The following CACNA2D3 variants were observed in gnomAD, a reference collection of about 807,000 sequenced individuals.
CACNA2D3 encodes voltage-dependent calcium channel subunit alpha-2/delta-3.
In CACNA2D3, 60 loss-of-function variants were observed where a neutral mutation model predicts 160.6. The ratio of observed to expected loss-of-function variants is 0.37; its 90% CI spans 0.30 to 0.46. The LOEUF (loss-of-function observed/expected upper bound fraction) is 0.46, where lower values mean the gene tolerates loss of function less well. CACNA2D3 is among the 20% of genes least tolerant of loss of function. The pLI, the probability that CACNA2D3 is intolerant of heterozygous loss-of-function variation, is 1.00. For missense variants in CACNA2D3, 1,205 were observed against 1,365.0 expected, an observed-to-expected ratio of 0.88 and a Z score of 1.85; for synonymous variants, 558 against 492.9, an observed-to-expected ratio of 1.13 and a Z score of -1.75.
chr3:54,941,984 A>C (rs902676725), intron 27 of CACNA2D3, among the ~76,000 whole-genome samples: 2 of 152,214 alleles, frequency 1.3e-5, no homozygotes, highest in Admixed American at 1.3e-4. Context: ...ATTTATTTGA[A>C]AATCATTCCA....
intron 12 of CACNA2D3, among the ~76,000 whole-genome samples, chr3:54,763,969 G>C (rs553480064): frequency 6.7e-6 from 1 of 149,122 alleles, no homozygotes; most frequent in African/African-American, 2.5e-5. Flanking sequence ...TCTGGGAGAT[G>C]AGTTTATGGT....
chr3:54,189,470 T>C (rs961793485), intron 2 of CACNA2D3, among the ~76,000 whole-genome samples: 5 of 152,116 alleles, frequency 3.3e-5, no homozygotes, highest in African/African-American at 1.2e-4. Flanking sequence ...TCCAGACAAG[T>C]TTATTCCTTG....
At chr3:54,222,505 A>G (rs966744190) in intron 2 of CACNA2D3, among the ~76,000 whole-genome samples, 8 of 152,210 alleles carry the variant, frequency 5.3e-5, no homozygotes, top group South Asian at 2.1e-4. Flanking sequence ...AGGGAGGGCA[A>G]TCTTCTTTAC....
At chr3:54,427,206 A>G (rs1374287299) in intron 4 of CACNA2D3, among the ~76,000 whole-genome samples, 4 of 152,204 alleles carry the variant, frequency 2.6e-5, no homozygotes, top group African/African-American at 9.6e-5. Context: ...AGCCCTGCAC[A>G]TGTAGGTTAT....
intron 27 of CACNA2D3, chr3:54,918,733 A>G (rs773639054): frequency 1.2e-5 from 20 of 1,614,036 alleles, no homozygotes; most frequent in Non-Finnish European, 1.7e-5. Context: ...AGGAGGCCTC[A>G]GGACCACACC....
chr3:54,499,634 T>C (rs1445611050), intron 4 of CACNA2D3, among the ~76,000 whole-genome samples: 1 of 152,138 alleles, frequency 6.6e-6, no homozygotes, highest in African/African-American at 2.4e-5. Context: ...AAAAAAATTA[T>C]CTTGAGAATT....
intron 2 of CACNA2D3, among the ~76,000 whole-genome samples, chr3:54,202,638 A>G (rs1447734118): frequency 6.6e-6 from 1 of 152,218 alleles, no homozygotes. Flanking sequence ...TAATGCATGG[A>G]TTCATTTTGG....
At chr3:54,348,027 C>T (rs1698489152) in intron 3 of CACNA2D3, among the ~76,000 whole-genome samples, 1 of 152,184 alleles carries the variant, frequency 6.6e-6, no homozygotes. Flanking sequence ...TATGTGAATA[C>T]AAAGAAGTTA....
chr3:54,988,276 A>C (rs1373517250), intron 31 of CACNA2D3, among the ~76,000 whole-genome samples: 1 of 152,192 alleles, frequency 6.6e-6, no homozygotes, highest in East Asian at 1.9e-4. Flanking sequence ...GATGGTGCCA[A>C]ATTCCACAGG....
At chr3:54,513,942 G>C (rs1001893793) in intron 5 of CACNA2D3, among the ~76,000 whole-genome samples, 5 of 152,112 alleles carry the variant, frequency 3.3e-5, no homozygotes, top group African/African-American at 1.2e-4. Context: ...CAAAGTGCTG[G>C]GATTACAGGC....
chr3:54,973,895 G>C (rs933807250), intron 29 of CACNA2D3, among the ~76,000 whole-genome samples: 3 of 152,198 alleles, frequency 2.0e-5, no homozygotes, highest in African/African-American at 7.2e-5. Flanking sequence ...CTGGAGAAAA[G>C]TAGCAAGGAG....
intron 27 of CACNA2D3, among the ~76,000 whole-genome samples, chr3:54,935,873 A>G (rs1436497581): frequency 1.3e-5 from 2 of 152,254 alleles, no homozygotes; most frequent in Non-Finnish European, 2.9e-5. Context: ...TCTGGAAAAC[A>G]GTTAGTCTTA....
At chr3:54,577,256 G>A (rs1702600264) in intron 8 of CACNA2D3, among the ~76,000 whole-genome samples, 1 of 151,904 alleles carries the variant, frequency 6.6e-6, no homozygotes. Context: ...GAAGAGTTCT[G>A]TGGCAGATGC....
At chr3:54,309,594 G>T (rs1291914955) in intron 2 of CACNA2D3, among the ~76,000 whole-genome samples, 2 of 152,126 alleles carry the variant, frequency 1.3e-5, no homozygotes, top group Admixed American at 1.3e-4. Flanking sequence ...AATTTAGTCA[G>T]GCACTCTAAA....
chr3:54,532,666 A>G (rs1262573099), intron 5 of CACNA2D3, among the ~76,000 whole-genome samples: 1 of 152,178 alleles, frequency 6.6e-6, no homozygotes, highest in Admixed American at 6.5e-5. Context: ...ATTCCATGGT[A>G]TACATACCAT....
intron 2 of CACNA2D3, among the ~76,000 whole-genome samples, chr3:54,235,900 G>A (rs1031110050): frequency 1.3e-5 from 2 of 152,162 alleles, no homozygotes; most frequent in Non-Finnish European, 1.5e-5. Flanking sequence ...AAGGAAGGGG[G>A]AAAAGAGTGA....
At chr3:54,393,579 T>C (rs890258293) in intron 4 of CACNA2D3, among the ~76,000 whole-genome samples, 1 of 152,232 alleles carries the variant, frequency 6.6e-6, no homozygotes, top group Admixed American at 6.5e-5. Context: ...CCAGTCACTA[T>C]CGTGCTTCGC....
chr3:54,420,923 GT>G (rs1699827520), intron 4 of CACNA2D3, among the ~76,000 whole-genome samples: 1 of 152,216 alleles, frequency 6.6e-6, no homozygotes, highest in Non-Finnish European at 1.5e-5. Context: ...GTGATGGGAA[GT>G]TGTAATAAAT....
At chr3:54,969,398 T>G (rs1702223300) in intron 28 of CACNA2D3, among the ~76,000 whole-genome samples, 1 of 151,940 alleles carries the variant, frequency 6.6e-6, no homozygotes, top group African/African-American at 2.4e-5. Context: ...TAGCTGGGAT[T>G]ACAGGTGCCT....
Sources: gnomAD v4.1 joint callset for allele counts (sites outside exome capture counted in the v4.1 genomes callset) on GRCh38, gnomAD v4.1.1 for gene constraint, MANE v1.5 for transcripts, NCBI Gene and HGNC (gene_info 2026-07-23, HGNC 2026-07-21) for gene names.